The following UGT1A5 variants were observed in gnomAD, a reference collection of about 807,000 sequenced individuals.
The protein encoded by UGT1A5 is UDP glucuronosyltransferase family 1 member A5, also known as UDP-glucuronosyltransferase 1A5.
A neutral mutation model predicts 40.3 loss-of-function variants in UGT1A5; 29 were observed. That is an observed-to-expected ratio of 0.72 (90% CI 0.54 to 0.98). UGT1A5 has a LOEUF of 0.98. Among genes scored for constraint, UGT1A5 ranks in the 50% least tolerant of loss-of-function variants. The pLI is 0.00. For synonymous variants in UGT1A5, 257 were observed against 262.5 expected, an observed-to-expected ratio of 0.98 and a Z score of 0.20; for missense variants, 678 against 677.9, an observed-to-expected ratio of 1.00 and a Z score of 0.00.
intron 1 of UGT1A5, 101 bp from the exon 2 acceptor site, chr2:233,766,933 A>C: frequency 6.3e-7 from 1 of 1,584,088 alleles, no homozygotes; most frequent in South Asian, 1.2e-5. Flanking sequence ...CATGCCTTTA[A>C]TCATAGTCTT....
In UGT1A5 at chr2:233,729,555, T is replaced by C. The variant is rs549256144; in HGVS notation, c.867+15697T>C. 30 of 1,614,208 alleles carry C rather than the reference T, an allele frequency of 1.9e-5. No homozygotes were observed. In the South Asian group the frequency reaches 3.0e-4, roughly 16 times the overall value. On this transcript the variant is annotated intron_variant, in intron 1 of 4. Coordinates refer to ENST00000373414, the MANE Select transcript of UGT1A5 (RefSeq NM_019078.2). The stretch of plus-strand genomic sequence containing the variant: ...AGGCCCTGATCAGGCACCTGAATGC[T>C]ACTTCCTTTGATGTGGTTTTAACAG...
chr2:233,743,766 C>G (rs750440547), intron 1 of UGT1A5: 10 of 1,367,368 alleles, frequency 7.3e-6, no homozygotes, highest in Non-Finnish European at 9.8e-6. Flanking sequence ...TCGTAGGCCT[C>G]GGCCACCTGC....
At chr2:233,753,812 C>G (rs1215022778) in intron 1 of UGT1A5, among the ~76,000 whole-genome samples, 1 of 152,152 alleles carries the variant, frequency 6.6e-6, no homozygotes, top group Non-Finnish European at 1.5e-5. Flanking sequence ...AGTTGGAGAA[C>G]CACGTTAGGG....
chr2:233,719,667 A>G, intron 1 of UGT1A5: 1 of 1,614,118 alleles, frequency 6.2e-7, no homozygotes, highest in South Asian at 1.1e-5. Flanking sequence ...CAACTGTGCC[A>G]ACGGGAAGCC....
Position 233,718,977 on chromosome 2 carries a change from G to T in UGT1A5, c.867+5119G>T, listed in dbSNP as rs930216391. ...GCGGGAGGCCTTGCGGGAGCTCCAT[G>T]CCAGAGGCCACCAGGCGGTGGTCCT... On this transcript the variant is annotated intron_variant, in intron 1 of 4. Coordinates refer to ENST00000373414, the MANE Select transcript of UGT1A5 (RefSeq NM_019078.2). 3.1e-6 allele frequency: 5 copies of T among 1,614,122 alleles called. No homozygotes were observed. In the Admixed American group the frequency reaches 8.3e-5, roughly 27 times the overall value.
intron 1 of UGT1A5, chr2:233,729,346 T>G (rs1339922469): frequency 1.2e-6 from 2 of 1,614,150 alleles, no homozygotes; most frequent in South Asian, 1.1e-5. Flanking sequence ...AGAAGAGAAC[T>G]TTTTCACCCT....
chr2:233,718,041 G>C, intron 1 of UGT1A5: 1 of 376,232 alleles, frequency 2.7e-6, no homozygotes, highest in South Asian at 2.0e-5. Flanking sequence ...TGGTGAGCAG[G>C]AGCTCCCTGA....
intron 1 of UGT1A5, chr2:233,755,182 A>C (rs1337694117): frequency 1.7e-5 from 20 of 1,204,654 alleles, no homozygotes; most frequent in Non-Finnish European, 1.7e-5. Context: ...TCGGGGTGCC[A>C]CTTGAGCGCC....
intron 1 of UGT1A5, chr2:233,717,949 A>C: frequency 2.2e-6 from 1 of 452,294 alleles, no homozygotes; most frequent in South Asian, 1.6e-5. Context: ...GCAGACTTGC[A>C]GAAGACTGGA....
intron 1 of UGT1A5, among the ~76,000 whole-genome samples, chr2:233,750,053 G>A (rs1694341640): frequency 6.6e-6 from 1 of 151,850 alleles, no homozygotes. Flanking sequence ...ATGTGGAAGT[G>A]ACTTTGGAAC....
At position 233,713,522 on chromosome 2, in the gene UGT1A5, A is replaced by G. The variant is rs1180807745; in HGVS notation, c.531A>G (p.Pro177=). 1.2e-6 allele frequency: 2 copies of G among 1,613,850 alleles called. No homozygotes were observed. Among genetic ancestry groups the G allele is most frequent in the Non-Finnish European group, 1.7e-6 (2 of 1,179,854 alleles). Residue 177 remains proline, a synonymous_variant, in exon 1 of 5, where the codon CCA becomes CCG. Coordinates refer to ENST00000373414, the MANE Select transcript of UGT1A5 (RefSeq NM_019078.2). ...CTGTGTTTTTCTTGAGGAACATTCCATGTGATTTAGACTTTAAGGGCACAC... is the reference window on the plus strand; with the variant it reads ...CTGTGTTTTTCTTGAGGAACATTCCGTGTGATTTAGACTTTAAGGGCACAC... ...IPAVFFLRNI[P]CDLDFKGTQC...
chr2:233,729,217 GT>G, intron 1 of UGT1A5: 1 of 1,614,140 alleles, frequency 6.2e-7, no homozygotes, highest in Non-Finnish European at 8.5e-7. Context: ...GAGTGGAAAG[GT>G]GTTGGTGGTG....
intron 1 of UGT1A5, among the ~76,000 whole-genome samples, chr2:233,732,105 A>G (rs1386469627): frequency 6.6e-6 from 1 of 151,602 alleles, no homozygotes; most frequent in Admixed American, 6.6e-5. Flanking sequence ...GTCTGTTCAT[A>G]TCCTTTGCCC....
chr2:233,744,056 G>A (rs1039365766), intron 1 of UGT1A5: 4 of 611,070 alleles, frequency 6.5e-6, no homozygotes, highest in Admixed American at 3.6e-5. Context: ...CTCATTGGTC[G>A]AGGCCTATGA....
In UGT1A5 at chr2:233,772,667, T is replaced by A; in HGVS notation, c.*108T>A. 1 of 1,538,078 alleles carries A rather than the reference T, an allele frequency of 6.5e-7. No individual in the cohort carries two copies. Among genetic ancestry groups the A allele is most frequent in the East Asian group, 2.4e-5 (1 of 40,984 alleles). Reference sequence around the variant, plus strand: ...TTTTATTCTTATTAAGGAAATACTTTGCATAAATTAATCAGCCCCAGAGTG... The same window carrying A: ...TTTTATTCTTATTAAGGAAATACTTAGCATAAATTAATCAGCCCCAGAGTG... On this transcript the variant is annotated 3_prime_UTR_variant, in exon 5 of 5. Coordinates refer to ENST00000373414, the MANE Select transcript of UGT1A5 (RefSeq NM_019078.2).
chr2:233,771,572 T>G (rs1700331696), intron 4 of UGT1A5: 1 of 152,318 alleles, frequency 6.6e-6, no homozygotes, highest in Admixed American at 6.5e-5. Context: ...CAGAGGTGGT[T>G]GTTTACAACT....
intron 1 of UGT1A5, 106 bp from the exon 2 acceptor site, chr2:233,766,928 C>T (rs1699282359): frequency 1.3e-6 from 2 of 1,578,030 alleles, no homozygotes; most frequent in East Asian, 4.5e-5. Flanking sequence ...ACACGCATGC[C>T]TTTAATCATA....
chr2:233,769,826 G>A lies in UGT1A5; in HGVS notation c.1307+1387G>A. ...GCCGTGATCATGCCACTGCACTCCA[G>A]CAACCTGGGCAACAGAGTGAGACCC... On this transcript the variant is annotated intron_variant, in intron 4 of 4. Transcript: ENST00000373414. This position sits in a 1 kb window ranked among gnomAD's most constrained non-coding sequence, Gnocchi z 4.4. 1.5e-6 allele frequency: 1 copy of A among 678,694 alleles called. No individual in the cohort carries two copies. Among genetic ancestry groups the A allele is most frequent in the East Asian group, 3.3e-5 (1 of 29,888 alleles). The allele number at this position is 678,694 out of a possible 1,614,324, so 42.0% of individuals were successfully genotyped here.
chr2:233,751,502 G>T (rs1015716404), intron 1 of UGT1A5, among the ~76,000 whole-genome samples: 2 of 152,208 alleles, frequency 1.3e-5, no homozygotes, highest in South Asian at 2.1e-4. Context: ...AGATTTGGGA[G>T]GGGCCAGAGG....
Sources: gnomAD v4.1 joint callset for allele counts (sites outside exome capture counted in the v4.1 genomes callset) on GRCh38, gnomAD v4.1.1 for gene constraint, Gnocchi (gnomAD v3.1) non-coding constraint, MANE v1.5 for transcripts, NCBI Gene and HGNC (gene_info 2026-07-23, HGNC 2026-07-21) for gene names.